Variants in TTF1 observed in about 807,000 individuals in gnomAD.
The protein encoded by TTF1 is transcription termination factor, RNA polymerase I.
TTF1 carries 64 observed loss-of-function variants against 80.2 expected under a neutral mutation model. The observed-to-expected ratio is 0.80, with a 90% CI of 0.65 to 0.98. TTF1 has a LOEUF of 0.98. TTF1 is among the 50% of genes least tolerant of loss of function. TTF1 has a pLI of 0.00. For missense variants in TTF1, 1,023 were observed against 1,086.2 expected (o/e 0.94, Z 0.82); for synonymous variants, 372 against 382.7 (o/e 0.97, Z 0.33).
At chr9:132,406,394 G>A (rs1849867749) in intron 1 of TTF1, among the ~76,000 whole-genome samples, 1 of 152,158 alleles carries the variant, frequency 6.6e-6, no homozygotes, top group Non-Finnish European at 1.5e-5. Context: ...CTGAAGTCAG[G>A]AGTTCGAGAC....
Position 132,375,768 on chromosome 9 carries a change from C to T in TTF1, c.*147G>A, listed in dbSNP as rs1658565611. ...TGCGATCTTGGCTCACTGCAACCTC[C>T]ACCTCCTGGGTTCAAGCAATTCTCC... On this transcript the variant is annotated 3_prime_UTR_variant, in exon 11 of 11. Coordinates refer to ENST00000334270, the MANE Select transcript of TTF1 (RefSeq NM_007344.4). 2 of 591,830 alleles carry T rather than the reference C, an allele frequency of 3.4e-6. No individual in the cohort carries two copies. The highest frequency in any genetic ancestry group is 6.0e-6 in the Non-Finnish European group (2 of 335,038). 36.7% of individuals were successfully genotyped at this position (591,830 alleles called of 1,614,324 possible).
intron 9 of TTF1, among the ~76,000 whole-genome samples, chr9:132,381,251 T>G (rs1293851984): frequency 6.6e-6 from 1 of 151,876 alleles, no homozygotes; most frequent in Non-Finnish European, 1.5e-5. Flanking sequence ...TGGAGTGCAG[T>G]GACGCAATCT....
In TTF1 at chr9:132,390,728, C is replaced by T. The variant is rs1044249986; in HGVS notation, c.2091G>A (p.Val697=). Residue 697 remains valine, a synonymous_variant, in exon 7 of 11, where the codon GTG becomes GTA. Coordinates refer to ENST00000334270, the MANE Select transcript of TTF1 (RefSeq NM_007344.4). ...CAGGATTTTCTTGGAGTTTGGAATC[C>T]ACCTCTTTTAACTCCTGGGGAGACA... ...KKMSPQELKE[V]DSKLQENPES... is the part of the protein sequence containing the mutation. 1.2e-6 allele frequency: 2 copies of T among 1,614,014 alleles called. No homozygotes were observed. Among genetic ancestry groups the T allele is most frequent in the Admixed American group, 1.7e-5 (1 of 59,994 alleles).
At chr9:132,404,396 CTG>C (rs201946245) in intron 1 of TTF1, among the ~76,000 whole-genome samples, 97 of 149,074 alleles carry the variant, frequency 6.5e-4, no homozygotes, top group Non-Finnish European at 7.2e-4. Context: ...CTCTCTCTCT[CTG>C]TCTCGCTGCA....
chr9:132,396,354 C>T, intron 5 of TTF1, 79 bp downstream of exon 5: 1 of 1,401,974 alleles, frequency 7.1e-7, no homozygotes, highest in East Asian at 2.3e-5. Context: ...TGCTAATCCA[C>T]TGCTGTGAAT....
chr9:132,385,423 C>T (rs955350175), intron 9 of TTF1, among the ~76,000 whole-genome samples: 1 of 152,232 alleles, frequency 6.6e-6, no homozygotes, highest in Non-Finnish European at 1.5e-5. Context: ...GAGTTGTCAA[C>T]TGTCTGAAGT....
At chr9:132,397,736 C>T (rs1252836294) in intron 4 of TTF1, among the ~76,000 whole-genome samples, 1 of 152,178 alleles carries the variant, frequency 6.6e-6, no homozygotes, top group Non-Finnish European at 1.5e-5. Context: ...CCTGTAATCC[C>T]AGCACTTTGG....
At chr9:132,403,081 G>A (rs12237911) in intron 1 of TTF1, among the ~76,000 whole-genome samples, 7,671 of 152,184 alleles carry the variant, frequency 0.05, 276 homozygotes, top group East Asian at 0.16. Flanking sequence ...GGATGGTCTC[G>A]ATCTCCTGAC....
chr9:132,375,940 C>T lies in TTF1; in HGVS notation c.2693G>A (p.Gly898Glu). 6.2e-7 allele frequency: 1 copy of T among 1,604,176 alleles called. No homozygotes were observed. Among genetic ancestry groups the T allele is most frequent in the South Asian group, 1.1e-5 (1 of 90,356 alleles). The change falls in exon 11 of 11, where the codon GGA becomes GAA. Residue 898 changes from glycine (G) to glutamate (E), a missense_variant. Gly to Glu is a moderately conservative substitution (Grantham distance 98). Transcript: ENST00000334270. ...TCAGATGATCCACCGGCCTTGGCCT[C>T]CCAAAGTACTGGAATTACAGGCGTG... The part of the protein sequence containing the change: ...MAHACNSSTL[G>E]GQGRWII
intron 9 of TTF1, among the ~76,000 whole-genome samples, chr9:132,379,732 T>C (rs1472365450): frequency 6.6e-6 from 1 of 152,220 alleles, no homozygotes; most frequent in Non-Finnish European, 1.5e-5. Flanking sequence ...TGTTCCCTGA[T>C]GTTTATTTCA....
intron 10 of TTF1, among the ~76,000 whole-genome samples, chr9:132,377,817 A>T (rs1395312217): frequency 1.2e-4 from 12 of 96,850 alleles, no homozygotes; most frequent in African/African-American, 5.2e-4. Flanking sequence ...GTGTGAGTGC[A>T]TGTGGTGTGT....
chr9:132,406,420 G>A (rs541502324), intron 1 of TTF1, among the ~76,000 whole-genome samples: 124 of 152,174 alleles, frequency 8.1e-4, no homozygotes, highest in Non-Finnish European at 1.5e-3. Flanking sequence ...TGGCCAACAT[G>A]GTGAAACCCT....
At chr9:132,401,043 G>A (rs1196689120) in intron 2 of TTF1, among the ~76,000 whole-genome samples, 1 of 152,122 alleles carries the variant, frequency 6.6e-6, no homozygotes, top group African/African-American at 2.4e-5. Context: ...ATATGTATGT[G>A]CTAAGGGTAG....
At chr9:132,401,431 G>A (rs1564190556) in intron 2 of TTF1, 24 bp downstream of exon 2, 1 of 1,576,810 alleles carries the variant, frequency 6.3e-7, no homozygotes, top group Non-Finnish European at 8.6e-7. Flanking sequence ...TATACCAGCA[G>A]CTGGAATACC....
In TTF1 at chr9:132,395,803, G is replaced by A. The variant is rs1449992113; in HGVS notation, c.1856+630C>T. Among the ~76,000 whole-genome samples the A allele has an allele frequency of 3.3e-5, 5 of 152,176 alleles. No individual in the cohort carries two copies. The East Asian group carries it at 7.7e-4, about 23-fold the overall frequency. Reference sequence around the variant, plus strand: ...GAGTAGAAGGTAGTTTTCGGGGGCCGTGGAATCCGAGCTAACACCTTCCTG... The same window carrying A: ...GAGTAGAAGGTAGTTTTCGGGGGCCATGGAATCCGAGCTAACACCTTCCTG... On this transcript the variant is annotated intron_variant, in intron 5 of 10. Transcript: ENST00000334270.
rs1849429385 is a variant in TTF1 at position 132,384,728 on chromosome 9, C to T, written c.2378+1828G>A. On this transcript the variant is annotated intron_variant, in intron 9 of 10. Coordinates refer to ENST00000334270, the MANE Select transcript of TTF1 (RefSeq NM_007344.4). This position sits in a 1 kb window ranked among gnomAD's most constrained non-coding sequence, Gnocchi z 4.1. ...CTGGAGTGCAATGGCATGATCTCGG[C>T]TTACTGCAACCTCCGCCTCCTGGGT... 6.6e-6 allele frequency among the ~76,000 whole-genome samples: 1 copy of T among 152,150 alleles called. No individual in the cohort carries two copies. Among genetic ancestry groups the T allele is most frequent in the Non-Finnish European group, 1.5e-5 (1 of 68,022 alleles).
chr9:132,378,528 C>T (rs1849298102), intron 10 of TTF1, among the ~76,000 whole-genome samples: 1 of 113,026 alleles, frequency 8.8e-6, no homozygotes, highest in Non-Finnish European at 1.8e-5. Context: ...GGTGTGAGTG[C>T]ATGTGGTGTG....
intron 9 of TTF1, among the ~76,000 whole-genome samples, chr9:132,380,330 T>C (rs867800116): frequency 6.6e-6 from 1 of 152,288 alleles, no homozygotes; most frequent in Middle Eastern, 3.4e-3. Flanking sequence ...CCACCTGCTT[T>C]GGCCTCCCAA....
At chr9:132,402,980 C>T (rs529049514) in intron 1 of TTF1, among the ~76,000 whole-genome samples, 152 bp from the exon 2 acceptor site, 91 of 152,300 alleles carry the variant, frequency 6.0e-4, no homozygotes, top group African/African-American at 2.0e-3. Flanking sequence ...CTCAGCCTCC[C>T]GAATAGCTGG....
Sources: gnomAD v4.1 joint callset for allele counts (sites outside exome capture counted in the v4.1 genomes callset) on GRCh38, gnomAD v4.1.1 for gene constraint, Gnocchi (gnomAD v3.1) non-coding constraint, MANE v1.5 for transcripts, NCBI Gene and HGNC (gene_info 2026-07-23, HGNC 2026-07-21) for gene names.